NDST4: variants seen among roughly 807,000 people sequenced by gnomAD.
NDST4 encodes N-deacetylase and N-sulfotransferase 4, also known as N-heparan sulfate sulfotransferase 4.
In NDST4, 63 loss-of-function variants were observed where a neutral mutation model predicts 100.8. The ratio of observed to expected loss-of-function variants is 0.62; its 90% CI spans 0.51 to 0.77. NDST4 has a LOEUF of 0.77. Ranked by LOEUF, NDST4 falls within the 30% of genes least tolerant of loss-of-function variation. The probability of loss-of-function intolerance (pLI) is 0.00; values close to 1 mark genes in which losing one functional copy is unlikely to be tolerated. For missense variants in NDST4, 943 were observed against 1,018.4 expected (o/e 0.93, Z 1.01); for synonymous variants, 377 against 361.8 (o/e 1.04, Z -0.48).
chr4:114,953,867 C>T (rs1485085868), intron 4 of NDST4, among the ~76,000 whole-genome samples: 1 of 152,096 alleles, frequency 6.6e-6, no homozygotes, highest in Admixed American at 6.6e-5. Context: ...CTATTAACTA[C>T]ATGGATATAA....
intron 6 of NDST4, among the ~76,000 whole-genome samples, chr4:114,884,809 T>C (rs1578364809): frequency 6.6e-6 from 1 of 152,254 alleles, no homozygotes; most frequent in South Asian, 2.1e-4. Context: ...TTTTTTGAAA[T>C]ATCGTGATTG....
chr4:114,994,878 A>G (rs560381604), intron 2 of NDST4, among the ~76,000 whole-genome samples: 53 of 152,146 alleles, frequency 3.5e-4, no homozygotes, highest in African/African-American at 1.3e-3. Flanking sequence ...AGGCTGAATG[A>G]AGGGAATCAT....
Position 114,937,408 on chromosome 4 carries a change from C to CT in NDST4, c.1316dup (p.Val440GlyfsTer10). On this transcript the variant is annotated frameshift_variant, in exon 5 of 14. Coordinates refer to ENST00000264363, the MANE Select transcript of NDST4 (RefSeq NM_022569.3). LOFTEE classifies it high-confidence loss of function. ...TGCTGGTGACTTGAATACCCCAGAC[C>CT]TTCTTCCAAGCTGCATACAGCTGAA... 6.2e-7 allele frequency: 1 copy of CT among 1,613,964 alleles called. No individual in the cohort carries two copies. The highest frequency in any genetic ancestry group is 8.5e-7 in the Non-Finnish European group (1 of 1,179,918).
intron 7 of NDST4, 128 bp from the exon 8 acceptor site, chr4:114,852,949 C>T (rs1723710594): frequency 5.4e-6 from 3 of 552,574 alleles, no homozygotes; most frequent in African/African-American, 2.0e-5. Flanking sequence ...ACCTCACTCT[C>T]GTTCTCTGGT....
chr4:114,969,733 G>A (rs571280663), intron 4 of NDST4, among the ~76,000 whole-genome samples: 5 of 152,256 alleles, frequency 3.3e-5, no homozygotes, highest in Non-Finnish European at 7.4e-5. Context: ...AGGCATTTAG[G>A]TTGATTCCAT....
At chr4:115,108,015 A>G (rs1044605739) in intron 1 of NDST4, among the ~76,000 whole-genome samples, 2 of 152,024 alleles carry the variant, frequency 1.3e-5, no homozygotes, top group African/African-American at 4.8e-5. Context: ...TTGGTAGTAT[A>G]ATTTATTGAT....
At chr4:114,988,946 A>G (rs1442408105) in intron 2 of NDST4, among the ~76,000 whole-genome samples, 1 of 152,154 alleles carries the variant, frequency 6.6e-6, no homozygotes, top group Non-Finnish European at 1.5e-5. Context: ...TTTAAGATGG[A>G]TTTTTCTTTA....
At chr4:114,937,016 G>C (rs1180866995) in intron 5 of NDST4, among the ~76,000 whole-genome samples, 1 of 152,114 alleles carries the variant, frequency 6.6e-6, no homozygotes, top group Non-Finnish European at 1.5e-5. Context: ...AATTTCCTAG[G>C]AAAAGTATGG....
Position 115,077,177 on chromosome 4 carries a change from C to T in NDST4, c.-141G>A. 1 of 782,158 alleles carries T rather than the reference C, an allele frequency of 1.3e-6. No homozygotes were observed. The highest frequency in any genetic ancestry group is 2.7e-5 in the East Asian group (1 of 36,580). 48.5% of individuals were successfully genotyped at this position (782,158 alleles called of 1,614,324 possible). ...AATCATGTAAAATGTTTGAAGGGAGCACAACTGAGTTAAAGCTGGAAGGCA... is the reference window on the plus strand; with the variant it reads ...AATCATGTAAAATGTTTGAAGGGAGTACAACTGAGTTAAAGCTGGAAGGCA... On this transcript the variant is annotated 5_prime_UTR_variant, in exon 2 of 14. Coordinates refer to ENST00000264363, the MANE Select transcript of NDST4 (RefSeq NM_022569.3).
At chr4:115,081,549 C>T (rs1311649903) in intron 1 of NDST4, among the ~76,000 whole-genome samples, 1 of 151,950 alleles carries the variant, frequency 6.6e-6, no homozygotes, top group Non-Finnish European at 1.5e-5. Context: ...TAAGTCGTTA[C>T]CATAAGTCGA....
At chr4:114,867,646 T>TTAAAAAAAAAAAAAAAAATCAA (rs1553949943) in intron 7 of NDST4, among the ~76,000 whole-genome samples, 1 of 26,778 alleles carries the variant, frequency 3.7e-5, no homozygotes, top group African/African-American at 8.4e-5. Flanking sequence ...ATGAGAATTA[T>TTAAAAAAAAAAAAAAAAATCAA]AAAAAAAAAA....
chr4:114,926,714 T>C (rs1035739575), intron 6 of NDST4, among the ~76,000 whole-genome samples: 15 of 152,112 alleles, frequency 9.9e-5, no homozygotes, highest in African/African-American at 2.2e-4. Context: ...GTTGTGGCAT[T>C]TGCCTTTTTG....
chr4:115,038,001 G>A (rs887966571), intron 2 of NDST4, among the ~76,000 whole-genome samples: 8 of 152,140 alleles, frequency 5.3e-5, no homozygotes, highest in Admixed American at 6.6e-5. Context: ...GGAAAAATCC[G>A]AAAGAGAGGA....
At chr4:115,099,881 T>G (rs1191843333) in intron 1 of NDST4, among the ~76,000 whole-genome samples, 1 of 152,144 alleles carries the variant, frequency 6.6e-6, no homozygotes, top group Non-Finnish European at 1.5e-5. Context: ...GCAGCTTTAT[T>G]TATAGATGCC....
intron 4 of NDST4, among the ~76,000 whole-genome samples, chr4:114,956,565 T>C (rs1359867158): frequency 6.6e-6 from 1 of 152,136 alleles, no homozygotes; most frequent in Admixed American, 6.5e-5. Flanking sequence ...GTGCCTTTTG[T>C]CAAAAGCAAT....
chr4:115,005,694 G>C (rs1329194412), intron 2 of NDST4, among the ~76,000 whole-genome samples: 1 of 152,104 alleles, frequency 6.6e-6, no homozygotes. Context: ...GCATCCTAGA[G>C]GTGGTGACCA....
At chr4:115,049,434 G>A (rs1393533730) in intron 2 of NDST4, among the ~76,000 whole-genome samples, 1 of 151,914 alleles carries the variant, frequency 6.6e-6, no homozygotes, top group African/African-American at 2.4e-5. Flanking sequence ...TGTATCTCTA[G>A]GGTTACACAT....
intron 1 of NDST4, among the ~76,000 whole-genome samples, chr4:115,095,486 G>A (rs898299747): frequency 2.6e-5 from 4 of 152,064 alleles, no homozygotes; most frequent in African/African-American, 9.7e-5. Flanking sequence ...TATTGGGTCA[G>A]GAAATTGGTT....
At chr4:114,953,032 CTT>C (rs546149508) in intron 4 of NDST4, among the ~76,000 whole-genome samples, 12 of 123,346 alleles carry the variant, frequency 9.7e-5, no homozygotes, top group Admixed American at 3.2e-4. Flanking sequence ...TTTTTTTTTT[CTT>C]TTTTTTTTTT....
Sources: allele counts gnomAD v4.1 joint callset (sites outside exome capture counted in the v4.1 genomes callset), GRCh38; gene constraint gnomAD v4.1.1; transcripts MANE v1.5; gene names NCBI Gene and HGNC (gene_info 2026-07-23, HGNC 2026-07-21).